Variants in MAD1L1 observed in about 807,000 individuals in gnomAD.
MAD1L1 encodes mitotic spindle assembly checkpoint protein MAD1.
In MAD1L1, 95 loss-of-function variants were observed where a neutral mutation model predicts 96.9. The ratio of observed to expected loss-of-function variants is 0.98; its 90% confidence interval spans 0.83 to 1.16. The LOEUF (loss-of-function observed/expected upper bound fraction) is 1.16, where lower values mean the gene tolerates loss of function less well. MAD1L1 is among the 50% of genes most tolerant of loss of function. The pLI, the probability that MAD1L1 is intolerant of heterozygous loss-of-function variation, is 0.00. For missense variants in MAD1L1, 1,007 were observed against 954.4 expected (o/e 1.06, Z -0.73); for synonymous variants, 473 against 396.6 (o/e 1.19, Z -2.29).
intron 10 of MAD1L1, among the ~76,000 whole-genome samples, chr7:2,190,880 C>CAGAGAATTAGG: frequency 6.6e-6 from 1 of 152,086 alleles, no homozygotes; most frequent in East Asian, 1.9e-4. Flanking sequence ...ACACGGGTGG[C>CAGAGAATTAGG]CAGGGGACAG....
chr7:1,897,305 G>C (rs978409256), intron 18 of MAD1L1, among the ~76,000 whole-genome samples: 2 of 149,940 alleles, frequency 1.3e-5, no homozygotes, highest in Non-Finnish European at 3.0e-5. Flanking sequence ...ACTGCAGGCA[G>C]TTTAGACGCC....
intron 15 of MAD1L1, among the ~76,000 whole-genome samples, chr7:1,974,123 A>G (rs922453386): frequency 1.3e-5 from 2 of 152,206 alleles, no homozygotes; most frequent in African/African-American, 4.8e-5. Flanking sequence ...CCACCGCAAG[A>G]GGAGTCCTGC....
chr7:1,895,652 A>G (rs996175310), intron 18 of MAD1L1, among the ~76,000 whole-genome samples: 2 of 152,214 alleles, frequency 1.3e-5, no homozygotes, highest in African/African-American at 4.8e-5. Flanking sequence ...CAGAGCAGGC[A>G]TGGTGGGTGG....
chr7:2,148,303 G>C (rs1353061587), intron 11 of MAD1L1: 1 of 152,724 alleles, frequency 6.5e-6, no homozygotes, highest in African/African-American at 2.4e-5. Context: ...CCCACGGCCT[G>C]GTCAGCCGTG....
intron 11 of MAD1L1, among the ~76,000 whole-genome samples, chr7:2,137,090 G>A (rs1210515402): frequency 6.6e-6 from 1 of 152,172 alleles, no homozygotes; most frequent in African/African-American, 2.4e-5. Context: ...GCTGTGGGGT[G>A]TGGGCTGCTC....
At chr7:2,165,842 G>A (rs1562746946) in intron 10 of MAD1L1, among the ~76,000 whole-genome samples, 1 of 152,158 alleles carries the variant, frequency 6.6e-6, no homozygotes, top group Admixed American at 6.5e-5. Flanking sequence ...GCCATGGCTG[G>A]ATGGCCACCC....
intron 18 of MAD1L1, among the ~76,000 whole-genome samples, chr7:1,828,491 C>G (rs928318595): frequency 1.1e-4 from 16 of 152,330 alleles, no homozygotes; most frequent in Middle Eastern, 3.4e-3. Context: ...CAGTGCCTGT[C>G]TCCGGCAGCC....
Position 2,045,142 on chromosome 7 carries a change from G to A in MAD1L1, c.1218+24052C>T, listed in dbSNP as rs550520381. Among the ~76,000 whole-genome samples the A allele has an allele frequency of 2.0e-4, 30 of 152,042 alleles. No individual in the cohort carries two copies. In the East Asian group the frequency reaches 5.5e-3, roughly 28 times the overall value. On this transcript the variant is annotated intron_variant, in intron 12 of 18. Coordinates refer to ENST00000265854, the MANE Select transcript of MAD1L1 (RefSeq NM_001013836.2). ...CCAGGGGCCAGAAAGGACATGAAAGGCTCCGGCCTCCCACCCGGCCTCCAC... is the reference window on the plus strand; with the variant it reads ...CCAGGGGCCAGAAAGGACATGAAAGACTCCGGCCTCCCACCCGGCCTCCAC...
intron 15 of MAD1L1, among the ~76,000 whole-genome samples, chr7:1,978,608 C>T (rs973041939): frequency 6.6e-6 from 1 of 152,164 alleles, no homozygotes; most frequent in Non-Finnish European, 1.5e-5. Flanking sequence ...CAGCTTCCCC[C>T]ACCCCACACC....
intron 18 of MAD1L1, among the ~76,000 whole-genome samples, chr7:1,837,445 C>T (rs1438552174): frequency 1.3e-5 from 2 of 152,144 alleles, no homozygotes; most frequent in Admixed American, 1.3e-4. Context: ...CAAGCAGTTC[C>T]GATTTAGCCA....
chr7:2,030,979 A>C (rs1783200544), intron 12 of MAD1L1, among the ~76,000 whole-genome samples: 1 of 152,148 alleles, frequency 6.6e-6, no homozygotes. Context: ...CTGACCAATA[A>C]ACCCGGTTTA....
At chr7:2,083,263 C>T (rs1422026213) in intron 11 of MAD1L1, among the ~76,000 whole-genome samples, 2 of 152,252 alleles carry the variant, frequency 1.3e-5, no homozygotes, top group Non-Finnish European at 2.9e-5. Flanking sequence ...ATCACTGAGT[C>T]ACCCGGCAGC....
intron 10 of MAD1L1, among the ~76,000 whole-genome samples, chr7:2,159,818 A>T (rs778176831): frequency 8.5e-5 from 13 of 152,358 alleles, no homozygotes; most frequent in Non-Finnish European, 1.3e-4. Flanking sequence ...TATTAACATG[A>T]AAGATCACCA....
intron 18 of MAD1L1, among the ~76,000 whole-genome samples, chr7:1,867,078 G>A (rs1459142126): frequency 5.9e-5 from 9 of 152,240 alleles, no homozygotes; most frequent in Non-Finnish European, 8.8e-5. Flanking sequence ...AGGGGCTGAG[G>A]TCGGCTGCAG....
chr7:1,853,835 G>C lies in MAD1L1; in HGVS notation c.1999-37607C>G, dbSNP rs772167987. On this transcript the variant is annotated intron_variant, in intron 18 of 18. Transcript: ENST00000265854. ...TTCACTCCGAGCAGCCTGGGTGGCC[G>C]AGCAGGGGAGGACCGGGCAGGCCCC... Among the ~76,000 whole-genome samples, 35 of 152,204 alleles carry C rather than the reference G, an allele frequency of 2.3e-4. 2 individuals carry two copies. Among genetic ancestry groups the C allele is most frequent in the Admixed American group, 2.1e-3 (32 of 15,304 alleles).
chr7:1,834,085 G>A (rs1273300120), intron 18 of MAD1L1, among the ~76,000 whole-genome samples: 12 of 152,118 alleles, frequency 7.9e-5, no homozygotes, highest in East Asian at 1.9e-4. Context: ...TAACCCATAC[G>A]TCAAAGAAGA....
intron 10 of MAD1L1, among the ~76,000 whole-genome samples, chr7:2,150,381 G>C (rs1280543519): frequency 2.6e-5 from 4 of 152,104 alleles, no homozygotes; most frequent in African/African-American, 7.2e-5. Flanking sequence ...CACGCACTGG[G>C]CCCGACCAGA....
At chr7:1,889,636 C>T (rs1329803123) in intron 18 of MAD1L1, among the ~76,000 whole-genome samples, 2 of 152,228 alleles carry the variant, frequency 1.3e-5, no homozygotes, top group Non-Finnish European at 2.9e-5. Context: ...CTCAGCCATG[C>T]GGCCTCCGTA....
chr7:1,913,393 G>C (rs1381127989), intron 17 of MAD1L1, among the ~76,000 whole-genome samples: 1 of 151,940 alleles, frequency 6.6e-6, no homozygotes, highest in Non-Finnish European at 1.5e-5. Context: ...CATCAGGGCA[G>C]ACGGGCTCTG....
Sources: allele counts gnomAD v4.1 joint callset (sites outside exome capture counted in the v4.1 genomes callset), GRCh38; gene constraint gnomAD v4.1.1; transcripts MANE v1.5; gene names NCBI Gene and HGNC (gene_info 2026-07-23, HGNC 2026-07-21).